Variants in GRIK1 observed in about 807,000 individuals in gnomAD.
GRIK1 encodes glutamate receptor ionotropic, kainate 1.
In GRIK1, 69 loss-of-function variants were observed where a neutral mutation model predicts 105.7. The ratio of observed to expected loss-of-function variants is 0.65; its 90% confidence interval spans 0.54 to 0.80. The LOEUF is 0.80. Ranked by LOEUF, GRIK1 falls within the 30% of genes least tolerant of loss-of-function variation. The probability of loss-of-function intolerance (pLI) is 0.00; values close to 1 mark genes in which losing one functional copy is unlikely to be tolerated. For missense variants in GRIK1, 1,109 were observed against 1,167.3 expected, an observed-to-expected ratio of 0.95 and a Z score of 0.73; for synonymous variants, 438 against 431.3, an observed-to-expected ratio of 1.02 and a Z score of -0.19.
At chr21:29,750,789 A>G (rs1441088577) in intron 1 of GRIK1, among the ~76,000 whole-genome samples, 1 of 152,250 alleles carries the variant, frequency 6.6e-6, no homozygotes, top group Non-Finnish European at 1.5e-5. Context: ...TTGATATATT[A>G]TTAGATATCA....
intron 13 of GRIK1, 144 bp downstream of exon 13, chr21:29,581,281 C>T: frequency 1.6e-6 from 1 of 625,916 alleles, no homozygotes; most frequent in Admixed American, 2.7e-5. Flanking sequence ...ATCTTCAAAA[C>T]CGGCTAGAAA....
chr21:29,566,998 T>C (rs893458912), intron 14 of GRIK1, among the ~76,000 whole-genome samples: 1 of 152,222 alleles, frequency 6.6e-6, no homozygotes, highest in East Asian at 1.9e-4. Flanking sequence ...CAAGTAGCTG[T>C]GGGATCTTTC....
At chr21:29,777,100 T>C (rs1186909714) in intron 1 of GRIK1, among the ~76,000 whole-genome samples, 8 of 152,150 alleles carry the variant, frequency 5.3e-5, no homozygotes, top group Non-Finnish European at 1.0e-4. Context: ...AATCCAATTC[T>C]CAGGCCCCAC....
intron 1 of GRIK1, among the ~76,000 whole-genome samples, chr21:29,917,093 G>A (rs147567468): frequency 4.8e-4 from 73 of 151,976 alleles, no homozygotes; most frequent in African/African-American, 1.6e-3. Flanking sequence ...AAGACATTTC[G>A]TTTTCAGTAT....
intron 1 of GRIK1, among the ~76,000 whole-genome samples, chr21:29,811,499 A>G (rs2067008769): frequency 6.6e-6 from 1 of 152,130 alleles, no homozygotes. Context: ...AATGGGCCCA[A>G]AGAAAAAAAC....
chr21:29,682,404 G>A (rs2063398195), intron 3 of GRIK1, among the ~76,000 whole-genome samples: 1 of 152,006 alleles, frequency 6.6e-6, no homozygotes, highest in Non-Finnish European at 1.5e-5. Flanking sequence ...TTGGGAGGCG[G>A]GCCTATCCAT....
intron 1 of GRIK1, among the ~76,000 whole-genome samples, chr21:29,824,431 A>G (rs2067389600): frequency 6.6e-6 from 1 of 152,014 alleles, no homozygotes; most frequent in Non-Finnish European, 1.5e-5. Flanking sequence ...AAAAATACCA[A>G]TGAAAAGTTA....
chr21:29,628,212 C>A (rs1276327708), intron 7 of GRIK1, among the ~76,000 whole-genome samples: 1 of 152,084 alleles, frequency 6.6e-6, no homozygotes, highest in Non-Finnish European at 1.5e-5. Context: ...CTGAAGTATA[C>A]ACAATAATGG....
intron 12 of GRIK1, 86 bp downstream of exon 12, chr21:29,587,280 G>C (rs1180482045): frequency 2.6e-6 from 2 of 762,252 alleles, no homozygotes; most frequent in African/African-American, 3.5e-5. Flanking sequence ...ACACTTTAAA[G>C]TTCCTAATTT....
At chr21:29,691,219 G>A (rs2063578677) in intron 2 of GRIK1, among the ~76,000 whole-genome samples, 1 of 152,074 alleles carries the variant, frequency 6.6e-6, no homozygotes, top group South Asian at 2.1e-4. Context: ...GCTGAGGCAC[G>A]AGAATTGCTT....
At chr21:29,788,604 C>T (rs916829401) in intron 1 of GRIK1, among the ~76,000 whole-genome samples, 2 of 152,182 alleles carry the variant, frequency 1.3e-5, no homozygotes, top group African/African-American at 4.8e-5. Flanking sequence ...GATTCAAGTG[C>T]ATTACATTTA....
At chr21:29,572,756 C>G (rs2090781957) in intron 14 of GRIK1, among the ~76,000 whole-genome samples, 1 of 151,410 alleles carries the variant, frequency 6.6e-6, no homozygotes, top group Admixed American at 6.6e-5. Flanking sequence ...GTATTTAGCT[C>G]AATTGGTCTT....
At chr21:29,540,024 T>C (rs1413502814) in intron 16 of GRIK1, among the ~76,000 whole-genome samples, 3 of 152,330 alleles carry the variant, frequency 2.0e-5, no homozygotes, top group African/African-American at 4.8e-5. Context: ...ACTTGAACTC[T>C]CAAGCATTTG....
intron 1 of GRIK1, among the ~76,000 whole-genome samples, chr21:29,812,750 T>C (rs964640032): frequency 1.3e-5 from 2 of 152,190 alleles, no homozygotes; most frequent in Non-Finnish European, 2.9e-5. Context: ...CCGGCCAGGC[T>C]GGGTCAGCTC....
intron 3 of GRIK1, among the ~76,000 whole-genome samples, chr21:29,683,135 G>A (rs2063414611): frequency 6.6e-6 from 1 of 152,174 alleles, no homozygotes; most frequent in Non-Finnish European, 1.5e-5. Flanking sequence ...AGACACAGAT[G>A]TTGGTGAGGC....
intron 1 of GRIK1, among the ~76,000 whole-genome samples, chr21:29,815,704 A>C (rs1426778705): frequency 6.6e-6 from 1 of 152,226 alleles, no homozygotes; most frequent in Non-Finnish European, 1.5e-5. Context: ...ATTCTGAATT[A>C]TGATGATGAT....
intron 1 of GRIK1, among the ~76,000 whole-genome samples, chr21:29,872,257 G>A (rs377108266): frequency 4.6e-4 from 67 of 147,196 alleles, no homozygotes; most frequent in African/African-American, 1.7e-3. Context: ...GCAGTGGTGC[G>A]ATCTTGGCTC....
chr21:29,927,238 A>G (rs535762379), intron 1 of GRIK1, among the ~76,000 whole-genome samples: 105 of 152,086 alleles, frequency 6.9e-4, no homozygotes, highest in Non-Finnish European at 1.2e-3. Flanking sequence ...ATCTTATTAT[A>G]TAAATATGAA....
intron 1 of GRIK1, among the ~76,000 whole-genome samples, chr21:29,739,260 C>T (rs186633787): frequency 2.6e-5 from 4 of 152,070 alleles, no homozygotes; most frequent in African/African-American, 9.7e-5. Flanking sequence ...GACATTTAAA[C>T]AGAGATCTGA....
Sources: gnomAD v4.1 joint callset for allele counts (sites outside exome capture counted in the v4.1 genomes callset) on GRCh38, gnomAD v4.1.1 for gene constraint, MANE v1.5 for transcripts, NCBI Gene and HGNC (gene_info 2026-07-23, HGNC 2026-07-21) for gene names.